WDR36: variants seen among roughly 807,000 people sequenced by gnomAD.
The protein encoded by WDR36 is WD repeat-containing protein 36.
A neutral mutation model predicts 112.7 loss-of-function variants in WDR36; 63 were observed. The observed-to-expected ratio is 0.56, with a 90% CI of 0.46 to 0.69. WDR36 has a LOEUF of 0.69. Among genes scored for constraint, WDR36 ranks in the 30% least tolerant of loss-of-function variants. The pLI, the probability that WDR36 is intolerant of heterozygous loss-of-function variation, is 0.00. For missense variants in WDR36, 1,226 were observed against 1,070.3 expected (o/e 1.15, Z -2.03); for synonymous variants, 410 against 362.2 (o/e 1.13, Z -1.50).
At chr5:111,118,950 T>A in intron 16 of WDR36, 63 bp from the exon 17 acceptor site, 1 of 1,380,966 alleles carries the variant, frequency 7.2e-7, no homozygotes. Flanking sequence ...CAAAAATATT[T>A]TTGTGAATTA....
intron 12 of WDR36, among the ~76,000 whole-genome samples, chr5:111,109,459 T>C (rs1447101732): frequency 6.6e-6 from 1 of 151,262 alleles, no homozygotes; most frequent in East Asian, 1.9e-4. Flanking sequence ...AAATAAACCT[T>C]CATTAAATAC....
At chr5:111,114,192 C>A (rs1012298651) in intron 16 of WDR36, among the ~76,000 whole-genome samples, 3 of 151,888 alleles carry the variant, frequency 2.0e-5, no homozygotes, top group Non-Finnish European at 4.4e-5. Flanking sequence ...GGTATAGATA[C>A]CATTTAAAAT....
At position 111,126,816 on chromosome 5, in the gene WDR36, C is replaced by G. The variant is rs1170162992; in HGVS notation, c.2621C>G (p.Thr874Ser). Residue 874 changes from threonine to serine, a missense_variant, in exon 23 of 23, where the codon ACC (threonine) becomes AGC (serine). Thr to Ser is a moderately conservative substitution (Grantham distance 58). Transcript: ENST00000513710. ...TCATCCCAGGTGGAAGAAAACTGGA[C>G]CCATTTGCAATCACTCTTCAATCAA... ...NLSSQVEENW[T>S]HLQSLFNQSM... 3.1e-6 allele frequency: 5 copies of G among 1,613,484 alleles called. No individual in the cohort carries two copies. The highest frequency in any genetic ancestry group is 4.2e-6 in the Non-Finnish European group (5 of 1,179,748).
intron 11 of WDR36, 93 bp from the exon 12 acceptor site, chr5:111,107,201 A>G: frequency 7.1e-7 from 1 of 1,415,130 alleles, no homozygotes; most frequent in Admixed American, 2.0e-5. Context: ...TTACCATTGT[A>G]TCCCTAGTGT....
At chr5:111,120,953 A>T in intron 18 of WDR36, 43 bp from the exon 19 acceptor site, 1 of 1,540,420 alleles carries the variant, frequency 6.5e-7, no homozygotes, top group Non-Finnish European at 9.0e-7. Context: ...AGTTGCTTTT[A>T]TATGATAAAA....
chr5:111,120,680 G>A (rs1318967686), intron 18 of WDR36, 87 bp downstream of exon 18: 12 of 1,086,322 alleles, frequency 1.1e-5, no homozygotes, highest in Non-Finnish European at 1.7e-5. Context: ...AAAGTTTAGT[G>A]CATTCAATCA....
chr5:111,102,382 G>C lies in WDR36; in HGVS notation c.580G>C (p.Val194Leu), dbSNP rs1753139058. 6 of 1,610,320 alleles carry C rather than the reference G, an allele frequency of 3.7e-6. No individual in the cohort carries two copies. Among genetic ancestry groups the C allele is most frequent in the Non-Finnish European group, 4.2e-6 (5 of 1,177,718 alleles). ...LYTFPGWKVG[V>L]TALQQAPAVD... ...TACATTTCCAGGATGGAAAGTTGGA[G>C]TGACAGCTCTTCAGCAGGTTAGTAT... Residue 194 changes from valine to leucine, a missense_variant, in exon 6 of 23, where the codon GTG (valine) becomes CTG (leucine). Transcript: ENST00000513710.
At position 111,104,444 on chromosome 5, in the gene WDR36, G is replaced by A. The variant is rs192589873; in HGVS notation, c.906+92G>A. 3,674 of 1,534,140 alleles carry A rather than the reference G, an allele frequency of 2.4e-3. 2 individuals are homozygous for A. The highest frequency in any genetic ancestry group is 2.9e-3 in the Non-Finnish European group (3,195 of 1,109,132). On this transcript the variant is annotated intron_variant, in intron 8 of 22. Transcript: ENST00000513710. ...TTTTAATGTATCAGCTTTCAACCTA[G>A]AAGATGAAAGGAATATGGAATGAGA...
At chr5:111,110,111 TA>T (rs113468387) in intron 12 of WDR36, 77 bp from the exon 13 acceptor site, 32 of 980,502 alleles carry the variant, frequency 3.3e-5, no homozygotes, top group African/African-American at 6.5e-5. Flanking sequence ...AACAAGTAGA[TA>T]AAAAAATGCT....
chr5:111,115,097 G>A (rs1272033367), intron 16 of WDR36, among the ~76,000 whole-genome samples: 1 of 152,140 alleles, frequency 6.6e-6, no homozygotes, highest in Non-Finnish European at 1.5e-5. Flanking sequence ...AGGTGAACAG[G>A]CAATTTTAAG....
chr5:111,120,551 G>A lies in WDR36; in HGVS notation c.1960G>A (p.Val654Ile). ...VSLRPLPADY[V>I]PSIVMLPGTC... Reference sequence around the variant, plus strand: ...ATTACGGCCACTTCCTGCAGATTATGTCCCTTCAATAGTCATGCTTCCTGG... The same window carrying A: ...ATTACGGCCACTTCCTGCAGATTATATCCCTTCAATAGTCATGCTTCCTGG... Residue 654 changes from valine (V) to isoleucine (I), a missense_variant, in exon 18 of 23, where the codon GTC (valine) becomes ATC (isoleucine). Physicochemically the swap from Val to Ile is conservative, Grantham distance 29 (BLOSUM62 3). Coordinates refer to ENST00000513710, the MANE Select transcript of WDR36 (RefSeq NM_139281.3). 6.2e-7 allele frequency: 1 copy of A among 1,613,080 alleles called. No homozygotes were observed. Among genetic ancestry groups the A allele is most frequent in the African/African-American group, 1.3e-5 (1 of 74,968 alleles).
intron 12 of WDR36, among the ~76,000 whole-genome samples, chr5:111,109,877 A>G (rs1753292179): frequency 6.6e-6 from 1 of 151,380 alleles, no homozygotes; most frequent in African/African-American, 2.4e-5. Flanking sequence ...TTTGTTAATA[A>G]ATTAAAAATT....
chr5:111,092,841 T>C (rs1435678051), intron 1 of WDR36, among the ~76,000 whole-genome samples: 1 of 152,268 alleles, frequency 6.6e-6, no homozygotes, highest in Non-Finnish European at 1.5e-5. Context: ...AAGGGGAAAC[T>C]GCTAGAGAAC....
chr5:111,121,907 C>G (rs1269388242), intron 19 of WDR36, among the ~76,000 whole-genome samples: 1 of 152,106 alleles, frequency 6.6e-6, no homozygotes, highest in African/African-American at 2.4e-5. Flanking sequence ...TACACTAGAT[C>G]TGCTGGATGT....
intron 2 of WDR36, among the ~76,000 whole-genome samples, chr5:111,095,867 A>G (rs932987529): frequency 2.6e-5 from 4 of 151,268 alleles, no homozygotes; most frequent in African/African-American, 9.7e-5. Context: ...TTTTTAAACT[A>G]TCTAATAGAA....
intron 1 of WDR36, 52 bp from the exon 2 acceptor site, chr5:111,094,868 A>G: frequency 2.1e-6 from 3 of 1,424,750 alleles, no homozygotes; most frequent in East Asian, 2.3e-5. Context: ...GTGTTAGGTT[A>G]TTATGATTAT....
At chr5:111,105,426 C>A in intron 10 of WDR36, 66 bp downstream of exon 10, 2 of 1,446,552 alleles carry the variant, frequency 1.4e-6, no homozygotes, top group Non-Finnish European at 1.9e-6. Context: ...TATGAAACAA[C>A]TGGAGGAAGT....
At chr5:111,109,306 A>G (rs559674608) in intron 12 of WDR36, among the ~76,000 whole-genome samples, 37 of 151,574 alleles carry the variant, frequency 2.4e-4, no homozygotes, top group Non-Finnish European at 4.3e-4. Context: ...CTTTTTAACC[A>G]TAGTAATTTC....
chr5:111,099,441 GTTTTTTTTTGTTTTTTTTTTTGTTTTT>G (rs1753067354), intron 4 of WDR36, among the ~76,000 whole-genome samples: 2 of 98,204 alleles, frequency 2.0e-5, no homozygotes, highest in Non-Finnish European at 4.1e-5. Context: ...TTGCCTCTTG[GTTTTTTTTTGTTTTTTTTTTTGTTTTT>G]TTTTTTTTTT....
Sources: allele counts gnomAD v4.1 joint callset (sites outside exome capture counted in the v4.1 genomes callset), GRCh38; gene constraint gnomAD v4.1.1; transcripts MANE v1.5; gene names NCBI Gene and HGNC (gene_info 2026-07-23, HGNC 2026-07-21).